Variants in INVS observed in about 807,000 individuals in gnomAD.
The protein encoded by INVS is inversin.
Under a neutral mutation model 108.8 loss-of-function variants are expected in INVS, and 86 were observed. The observed-to-expected ratio is 0.79, with a 90% CI of 0.66 to 0.95. The LOEUF is 0.95. Among genes scored for constraint, INVS ranks in the 40% least tolerant of loss-of-function variants. The probability of loss-of-function intolerance (pLI) is 0.00; values close to 1 mark genes in which losing one functional copy is unlikely to be tolerated. For missense variants in INVS, 1,169 were observed against 1,297.4 expected (o/e 0.90, Z 1.52); for synonymous variants, 455 against 473.5 (o/e 0.96, Z 0.51).
intron 3 of INVS, among the ~76,000 whole-genome samples, chr9:100,162,510 G>A (rs996227263): frequency 6.6e-6 from 1 of 152,102 alleles, no homozygotes; most frequent in African/African-American, 2.4e-5. Context: ...ATTGCATATA[G>A]ACCACAATAT....
chr9:100,124,556 A>AAC (rs1261609952), intron 2 of INVS, among the ~76,000 whole-genome samples: 174 of 151,690 alleles, frequency 1.1e-3, no homozygotes, highest in Admixed American at 3.7e-3. Context: ...TAAAAAAAAA[A>AAC]AAAAAACTAA....
intron 2 of INVS, among the ~76,000 whole-genome samples, chr9:100,105,850 C>CTTTTTTT (rs543070811): frequency 8.0e-4 from 51 of 63,824 alleles, no homozygotes; most frequent in African/African-American, 1.1e-3. Context: ...GAAAAATTCC[C>CTTTTTTT]TTTTTTTTTT....
intron 11 of INVS, among the ~76,000 whole-genome samples, chr9:100,268,840 G>T (rs1416456712): frequency 1.3e-5 from 2 of 152,048 alleles, no homozygotes; most frequent in African/African-American, 4.8e-5. Context: ...AATGCCCAGG[G>T]TCACACAGGT....
At position 100,302,053 on chromosome 9, in the gene INVS, A is replaced by AT. The variant is rs35689659; in HGVS notation, c.*1380dup. ...AGGAACGCCCAAACATTATTTTCAT[A>AT]TATCAGTGCAAAGAAAGAAGGTTCG... On this transcript the variant is annotated 3_prime_UTR_variant, in exon 17 of 17. Transcript: ENST00000262457. 3,851 of 526,298 alleles carry AT rather than the reference A, an allele frequency of 7.3e-3. 26 individuals carry two copies. The highest frequency in any genetic ancestry group is 0.01 in the Non-Finnish European group (3,076 of 303,110). 32.6% of individuals were successfully genotyped at this position (526,298 alleles called of 1,614,324 possible).
chr9:100,257,970 G>A (rs571634049), intron 10 of INVS, among the ~76,000 whole-genome samples: 5 of 152,228 alleles, frequency 3.3e-5, no homozygotes, highest in Admixed American at 6.5e-5. Flanking sequence ...TCTAGGTTGG[G>A]GAAGTTCTCC....
intron 3 of INVS, among the ~76,000 whole-genome samples, chr9:100,127,781 A>AC: frequency 6.6e-6 from 1 of 152,098 alleles, no homozygotes; most frequent in African/African-American, 2.4e-5. Flanking sequence ...TTTGGTTTTT[A>AC]TTATAGTAAT....
intron 3 of INVS, among the ~76,000 whole-genome samples, chr9:100,145,361 TG>T (rs1446668446): frequency 6.7e-6 from 1 of 150,268 alleles, no homozygotes; most frequent in East Asian, 2.0e-4. Context: ...GATAAGAGGT[TG>T]GGGCGTGGAA....
At chr9:100,289,562 GTTGATAGAAT>G (rs1833548800) in intron 13 of INVS, among the ~76,000 whole-genome samples, 1 of 152,222 alleles carries the variant, frequency 6.6e-6, no homozygotes, top group Non-Finnish European at 1.5e-5. Flanking sequence ...CATTCATGAG[GTTGATAGAAT>G]TTGCACAAGA....
intron 1 of INVS, chr9:100,101,384 C>T (rs1301261440): frequency 6.6e-6 from 1 of 152,036 alleles, no homozygotes; most frequent in African/African-American, 2.4e-5. Context: ...AGTTACTCCC[C>T]TCCCATGTTT....
rs141411436 is a variant in INVS at position 100,206,430 on chromosome 9, C to T, written c.274-19632C>T. ...TTACAGAAAAGTTTCAAGAACAGTA[C>T]AAATAATTTTCATATACTCTCAAAT... On this transcript the variant is annotated intron_variant, in intron 3 of 16. Transcript: ENST00000262457. Among the ~76,000 whole-genome samples the T allele has an allele frequency of 4.0e-3, 609 of 151,978 alleles. 6 individuals are homozygous for T. Among genetic ancestry groups the T allele is most frequent in the African/African-American group, 0.014 (580 of 41,484 alleles).
intron 3 of INVS, among the ~76,000 whole-genome samples, chr9:100,139,409 A>G (rs546553197): frequency 2.6e-5 from 4 of 152,164 alleles, no homozygotes; most frequent in African/African-American, 9.6e-5. Context: ...GGTCTCATCT[A>G]CTTCTATAAG....
chr9:100,221,447 T>C (rs1831147693), intron 3 of INVS, among the ~76,000 whole-genome samples: 1 of 151,998 alleles, frequency 6.6e-6, no homozygotes, highest in Non-Finnish European at 1.5e-5. Context: ...GGATTACAGG[T>C]GTGAGCCACT....
chr9:100,248,215 T>C (rs950912723), intron 8 of INVS, among the ~76,000 whole-genome samples: 2 of 152,224 alleles, frequency 1.3e-5, no homozygotes, highest in Non-Finnish European at 2.9e-5. Context: ...TTTTCCATTA[T>C]ATATTCTTCC....
chr9:100,182,644 A>G (rs1829927131), intron 3 of INVS, among the ~76,000 whole-genome samples: 1 of 152,162 alleles, frequency 6.6e-6, no homozygotes, highest in Non-Finnish European at 1.5e-5. Flanking sequence ...GGTGCTGGAG[A>G]GGATGTGGAG....
chr9:100,223,245 C>T (rs1247593030), intron 3 of INVS, among the ~76,000 whole-genome samples: 2 of 151,870 alleles, frequency 1.3e-5, no homozygotes, highest in African/African-American at 4.8e-5. Flanking sequence ...CAGCTTGCAC[C>T]ACCATGCCCG....
chr9:100,285,543 C>G (rs991384288), intron 13 of INVS, among the ~76,000 whole-genome samples: 42 of 152,222 alleles, frequency 2.8e-4, no homozygotes, highest in African/African-American at 8.7e-4. Flanking sequence ...GTTGTACTCC[C>G]AGTTAGGATT....
chr9:100,117,243 C>T (rs1016741931), intron 2 of INVS: 2 of 841,078 alleles, frequency 2.4e-6, no homozygotes, highest in Non-Finnish European at 3.9e-6. Context: ...TTGTAGTCCC[C>T]GATAGCAACA....
intron 3 of INVS, among the ~76,000 whole-genome samples, chr9:100,163,567 A>G (rs1829261845): frequency 6.6e-6 from 1 of 152,214 alleles, no homozygotes; most frequent in Non-Finnish European, 1.5e-5. Flanking sequence ...TACATTTTTA[A>G]AGTATATATT....
At position 100,252,424 on chromosome 9, in the gene INVS, A is replaced by C. The variant is rs374662619; in HGVS notation, c.1220A>C (p.Gln407Pro). 2.0e-5 allele frequency: 33 copies of C among 1,613,946 alleles called. No individual in the cohort carries two copies. In the African/African-American group the frequency reaches 4.3e-4, roughly 21 times the overall value. The change falls in exon 9 of 17, where the codon CAG (glutamine) becomes CCG (proline). Residue 407 changes from glutamine to proline, a missense_variant. Gln to Pro is a moderately conservative substitution (Grantham distance 76). Coordinates refer to ENST00000262457, the MANE Select transcript of INVS (RefSeq NM_014425.5). Reference sequence around the variant, plus strand: ...GAGATGGGACACAAAGATGTGATTCAGACACTCATTAAAGGTGGGCTAATA... The same window carrying C: ...GAGATGGGACACAAAGATGTGATTCCGACACTCATTAAAGGTGGGCTAATA... Reference protein sequence around the residue: ...ACEMGHKDVIQTLIKGGARVD... With the variant: ...ACEMGHKDVIPTLIKGGARVD...
Sources: gnomAD v4.1 joint callset for allele counts (sites outside exome capture counted in the v4.1 genomes callset) on GRCh38, gnomAD v4.1.1 for gene constraint, MANE v1.5 for transcripts, NCBI Gene and HGNC (gene_info 2026-07-23, HGNC 2026-07-21) for gene names.